The following ARMH4 variants were observed in gnomAD, a reference collection of about 807,000 sequenced individuals.
The protein encoded by ARMH4 is armadillo like helical domain containing 4, also known as armadillo-like helical domain-containing protein 4.
A neutral mutation model predicts 61.9 loss-of-function variants in ARMH4; 49 were observed. The ratio of observed to expected loss-of-function variants is 0.79; its 90% CI spans 0.63 to 1.00. The LOEUF (loss-of-function observed/expected upper bound fraction) is 1.00, where lower values mean the gene tolerates loss of function less well. Ranked by LOEUF, ARMH4 falls within the 50% of genes least tolerant of loss-of-function variation. The probability of loss-of-function intolerance (pLI) is 0.00; values close to 1 mark genes in which losing one functional copy is unlikely to be tolerated. For synonymous variants in ARMH4, 368 were observed against 341.5 expected (o/e 1.08, Z -0.85); for missense variants, 934 against 930.0 (o/e 1.00, Z -0.06).
At chr14:58,109,260 T>C (rs1762052012) in intron 4 of ARMH4, among the ~76,000 whole-genome samples, 1 of 152,196 alleles carries the variant, frequency 6.6e-6, no homozygotes, top group African/African-American at 2.4e-5. Flanking sequence ...TTTTAGTCAG[T>C]TTAAGGTTTG....
At chr14:58,044,734 T>C (rs1030923564) in intron 5 of ARMH4, among the ~76,000 whole-genome samples, 19 of 151,988 alleles carry the variant, frequency 1.3e-4, no homozygotes, top group Non-Finnish European at 4.4e-5. Context: ...AGGGCTAATA[T>C]CCAGAATCTA....
chr14:58,030,097 A>G (rs1883172984), intron 5 of ARMH4, among the ~76,000 whole-genome samples: 1 of 152,250 alleles, frequency 6.6e-6, no homozygotes, highest in East Asian at 1.9e-4. Context: ...AAGTGAATGA[A>G]GACACTAAGG....
intron 4 of ARMH4, among the ~76,000 whole-genome samples, chr14:58,120,654 A>C (rs867118549): frequency 1.6e-4 from 25 of 152,212 alleles, no homozygotes; most frequent in Admixed American, 4.6e-4. Flanking sequence ...ACAGAAAGGG[A>C]ATGTTCAGGT....
intron 2 of ARMH4, 128 bp downstream of exon 2, chr14:58,137,862 T>C (rs1887358418): frequency 4.3e-6 from 4 of 931,014 alleles, no homozygotes; most frequent in South Asian, 3.6e-5. Context: ...GCTGGGATTA[T>C]AGGCATGAGC....
intron 5 of ARMH4, among the ~76,000 whole-genome samples, chr14:58,046,474 C>T (rs957669665): frequency 6.6e-6 from 1 of 152,100 alleles, no homozygotes. Context: ...GGCACAAGTA[C>T]CATTATGTCA....
In ARMH4 at chr14:58,139,002, G is replaced by T; in HGVS notation, c.357C>A (p.Val119=). The part of the protein sequence containing the change: ...PGVSTPTESG[V]PSAEEVFGSS... The stretch of plus-strand genomic sequence containing the variant: ...AACCAAATACTTCTTCAGCTGAGGG[G>T]ACACCTGACTCAGTAGGTGTGGAAA... The change falls in exon 2 of 8, where the codon GTC becomes GTA. Residue 119 remains valine (V), a synonymous_variant. Transcript: ENST00000267485. 2 of 1,614,192 alleles carry T rather than the reference G, an allele frequency of 1.2e-6. No homozygotes were observed. Among genetic ancestry groups the T allele is most frequent in the South Asian group, 1.1e-5 (1 of 91,078 alleles).
intron 4 of ARMH4, among the ~76,000 whole-genome samples, chr14:58,100,267 C>T (rs1005725709): frequency 1.3e-5 from 2 of 152,158 alleles, no homozygotes; most frequent in East Asian, 1.9e-4. Context: ...GGAGAGTAGG[C>T]GAGTACATTC....
intron 4 of ARMH4, among the ~76,000 whole-genome samples, chr14:58,118,927 G>C (rs1234429633): frequency 1.3e-5 from 2 of 152,164 alleles, no homozygotes; most frequent in Non-Finnish European, 2.9e-5. Context: ...AAAAAATCCA[G>C]AGGGAGCAGC....
At chr14:58,023,313 T>C (rs1378718340) in intron 5 of ARMH4, among the ~76,000 whole-genome samples, 2 of 152,176 alleles carry the variant, frequency 1.3e-5, no homozygotes, top group African/African-American at 4.8e-5. Context: ...CATGTAATAT[T>C]CTAAGTCCTT....
intron 4 of ARMH4, among the ~76,000 whole-genome samples, chr14:58,099,020 T>C (rs1260729833): frequency 2.0e-5 from 3 of 152,062 alleles, no homozygotes; most frequent in Admixed American, 1.3e-4. Flanking sequence ...AATTTCAAGG[T>C]AGAACCCTGC....
At chr14:58,021,858 G>C (rs1447958546) in intron 5 of ARMH4, among the ~76,000 whole-genome samples, 4 of 152,104 alleles carry the variant, frequency 2.6e-5, no homozygotes, top group African/African-American at 9.7e-5. Context: ...CTTTGTTCAG[G>C]TTAGCCTTCA....
chr14:58,049,081 C>A (rs920294541), intron 5 of ARMH4, among the ~76,000 whole-genome samples: 5 of 151,116 alleles, frequency 3.3e-5, no homozygotes, highest in Non-Finnish European at 7.4e-5. Context: ...ATTAAAAACA[C>A]AAAAAAAATT....
At chr14:58,133,404 ATGATATGATT>A in intron 2 of ARMH4, 63 bp from the exon 3 acceptor site, 3 of 1,465,374 alleles carry the variant, frequency 2.0e-6, no homozygotes, top group Non-Finnish European at 2.7e-6. Context: ...AAAAAAAATC[ATGATATGATT>A]AAAAACTTGG....
At chr14:58,039,609 A>C (rs1883614421) in intron 5 of ARMH4, among the ~76,000 whole-genome samples, 1 of 152,248 alleles carries the variant, frequency 6.6e-6, no homozygotes. Context: ...CTGAACTGAC[A>C]GCAGTGGCTC....
At chr14:58,104,752 G>A (rs1451220816) in intron 4 of ARMH4, among the ~76,000 whole-genome samples, 1 of 152,144 alleles carries the variant, frequency 6.6e-6, no homozygotes, top group Admixed American at 6.5e-5. Flanking sequence ...AAGGAAAGAC[G>A]GTCTTGTCCC....
chr14:58,008,620 T>C (rs368401590), intron 6 of ARMH4, among the ~76,000 whole-genome samples: 55 of 152,312 alleles, frequency 3.6e-4, no homozygotes, highest in African/African-American at 1.3e-3. Flanking sequence ...ATCCTTACGA[T>C]TTCTGTGCAA....
In ARMH4 at chr14:58,011,797, T is replaced by G. The variant is rs557066019; in HGVS notation, c.2121+322A>C. On this transcript the variant is annotated intron_variant, in intron 6 of 7. Transcript: ENST00000267485. Reference sequence around the variant, plus strand: ...AAAAAAAAAAACAGATGGAATGAGATGACAATCCTGAAATTCCCAAAAAGA... The same window carrying G: ...AAAAAAAAAAACAGATGGAATGAGAGGACAATCCTGAAATTCCCAAAAAGA... Among the ~76,000 whole-genome samples the G allele has an allele frequency of 2.0e-5, 3 of 147,538 alleles. No individual in the cohort carries two copies. The East Asian group carries it at 5.9e-4, about 29-fold the overall frequency.
chr14:58,097,686 T>G, intron 4 of ARMH4, among the ~76,000 whole-genome samples: 1 of 125,944 alleles, frequency 7.9e-6, no homozygotes, highest in Middle Eastern at 4.2e-3. Flanking sequence ...TCTTGATTTT[T>G]TTTTTTTTAT....
intron 5 of ARMH4, among the ~76,000 whole-genome samples, chr14:58,053,708 C>T (rs141501392): frequency 5.3e-5 from 8 of 152,304 alleles, no homozygotes; most frequent in East Asian, 1.9e-4. Flanking sequence ...GCAGTTACCA[C>T]GAGGGCAGTC....
Sources: allele counts gnomAD v4.1 joint callset (sites outside exome capture counted in the v4.1 genomes callset), GRCh38; gene constraint gnomAD v4.1.1; transcripts MANE v1.5; gene names NCBI Gene and HGNC (gene_info 2026-07-23, HGNC 2026-07-21).